SGCZ: variants seen among roughly 807,000 people sequenced by gnomAD.
The protein encoded by SGCZ is sarcoglycan zeta.
SGCZ carries 40 observed loss-of-function variants against 41.3 expected under a neutral mutation model. That is an observed-to-expected ratio of 0.97 (90% CI 0.75 to 1.26). SGCZ has a LOEUF of 1.26. SGCZ is among the 50% of genes most tolerant of loss of function. The pLI, the probability that SGCZ is intolerant of heterozygous loss-of-function variation, is 0.00. For synonymous variants in SGCZ, 206 were observed against 137.5 expected, an observed-to-expected ratio of 1.50 and a Z score of -3.49; for missense variants, 552 against 369.8, an observed-to-expected ratio of 1.49 and a Z score of -4.04.
chr8:14,965,486 G>C (rs1318245238), intron 1 of SGCZ, among the ~76,000 whole-genome samples: 1 of 152,192 alleles, frequency 6.6e-6, no homozygotes, highest in African/African-American at 2.4e-5. Flanking sequence ...TTAAAATGTA[G>C]AATTTTAGGC....
At chr8:14,408,591 T>C (rs1799273451) in intron 2 of SGCZ, among the ~76,000 whole-genome samples, 1 of 152,176 alleles carries the variant, frequency 6.6e-6, no homozygotes, top group African/African-American at 2.4e-5. Context: ...TGTTTCTATA[T>C]AAATCAGTTT....
chr8:14,555,054 A>G (rs1157224322), intron 1 of SGCZ, 128 bp from the exon 2 acceptor site: 3 of 769,566 alleles, frequency 3.9e-6, no homozygotes, highest in Non-Finnish European at 6.1e-6. Flanking sequence ...GCATTCAAAT[A>G]ACTATTGTTG....
chr8:14,133,004 C>G (rs1803088418), intron 5 of SGCZ, among the ~76,000 whole-genome samples: 2 of 151,894 alleles, frequency 1.3e-5, no homozygotes, highest in Admixed American at 1.3e-4. Context: ...GGAGCTGTAA[C>G]AATAAAAAAA....
At chr8:14,969,212 C>G (rs1801216069) in intron 1 of SGCZ, among the ~76,000 whole-genome samples, 1 of 152,020 alleles carries the variant, frequency 6.6e-6, no homozygotes, top group Admixed American at 6.6e-5. Flanking sequence ...TTTTCATCTT[C>G]TTAGTTATTA....
intron 3 of SGCZ, among the ~76,000 whole-genome samples, chr8:14,275,129 G>C (rs746200432): frequency 6.6e-6 from 1 of 152,098 alleles, no homozygotes; most frequent in African/African-American, 2.4e-5. Flanking sequence ...AGTTATGCTG[G>C]TCAGAGCCGA....
At chr8:14,868,035 C>G (rs1480220982) in intron 1 of SGCZ, among the ~76,000 whole-genome samples, 18 of 152,070 alleles carry the variant, frequency 1.2e-4, no homozygotes, top group Admixed American at 1.2e-3. Context: ...AGAATTAGCT[C>G]TATGTTTCAG....
chr8:14,476,564 C>A (rs952577084), intron 2 of SGCZ, among the ~76,000 whole-genome samples: 1 of 152,054 alleles, frequency 6.6e-6, no homozygotes, highest in Non-Finnish European at 1.5e-5. Context: ...CTCTCTAACT[C>A]TTGAGAGGAC....
chr8:14,719,095 T>C (rs1171747831), intron 1 of SGCZ, among the ~76,000 whole-genome samples: 1 of 146,818 alleles, frequency 6.8e-6, no homozygotes, highest in African/African-American at 2.5e-5. Context: ...TGAGTGAGAA[T>C]ATGCGGTGTT....
At chr8:14,271,787 A>T (rs747197987) in intron 3 of SGCZ, among the ~76,000 whole-genome samples, 4 of 152,174 alleles carry the variant, frequency 2.6e-5, no homozygotes, top group Non-Finnish European at 5.9e-5. Flanking sequence ...CCTGATTCAT[A>T]TCTACTGTAA....
chr8:14,477,061 T>A (rs1801382597), intron 2 of SGCZ, among the ~76,000 whole-genome samples: 1 of 152,218 alleles, frequency 6.6e-6, no homozygotes. Flanking sequence ...AATTTTTGAT[T>A]TAATTAAACC....
chr8:15,120,793 C>T (rs541009463), intron 1 of SGCZ, among the ~76,000 whole-genome samples: 1 of 152,234 alleles, frequency 6.6e-6, no homozygotes, highest in South Asian at 2.1e-4. Context: ...TTTCCCAAAT[C>T]TCTCAAACTT....
chr8:14,219,055 A>G (rs905911228), intron 4 of SGCZ, among the ~76,000 whole-genome samples: 3 of 152,212 alleles, frequency 2.0e-5, no homozygotes, highest in African/African-American at 7.2e-5. Context: ...GTGCTCAGCA[A>G]AAATTAAAAA....
intron 1 of SGCZ, among the ~76,000 whole-genome samples, chr8:14,995,098 G>A (rs1437648896): frequency 6.6e-6 from 1 of 152,254 alleles, no homozygotes; most frequent in African/African-American, 2.4e-5. Flanking sequence ...TAGGAGAAAT[G>A]CTTGCAGAAG....
intron 1 of SGCZ, among the ~76,000 whole-genome samples, chr8:14,581,699 T>C (rs1373269372): frequency 1.3e-5 from 2 of 152,144 alleles, no homozygotes; most frequent in East Asian, 1.9e-4. Flanking sequence ...GCAAAGCACT[T>C]ACTGCAACTC....
At chr8:14,915,077 T>G (rs988284358) in intron 1 of SGCZ, among the ~76,000 whole-genome samples, 1 of 152,158 alleles carries the variant, frequency 6.6e-6, no homozygotes, top group Non-Finnish European at 1.5e-5. Context: ...CTTTCATAAC[T>G]CTCATACTGC....
At chr8:14,606,825 T>C (rs1035990342) in intron 1 of SGCZ, among the ~76,000 whole-genome samples, 2 of 152,184 alleles carry the variant, frequency 1.3e-5, no homozygotes, top group Non-Finnish European at 2.9e-5. Context: ...TATTGCTATC[T>C]TTAGTGATAA....
At chr8:15,064,767 C>A (rs190344120) in intron 1 of SGCZ, among the ~76,000 whole-genome samples, 161 of 152,280 alleles carry the variant, frequency 1.1e-3, no homozygotes, top group Non-Finnish European at 1.6e-3. Flanking sequence ...AGATTTGAAA[C>A]TGAGCTCCCA....
At chr8:15,031,631 C>T (rs935932865) in intron 1 of SGCZ, among the ~76,000 whole-genome samples, 7 of 152,162 alleles carry the variant, frequency 4.6e-5, no homozygotes, top group African/African-American at 1.4e-4. Flanking sequence ...CCCACACTGG[C>T]AGTCAACTCC....
chr8:14,339,096 T>C (rs974448396), intron 2 of SGCZ, among the ~76,000 whole-genome samples: 4 of 143,768 alleles, frequency 2.8e-5, no homozygotes, highest in Non-Finnish European at 4.8e-5. Context: ...TAACATATTA[T>C]GTTTTTTTTT....
Sources: allele counts gnomAD v4.1 joint callset (sites outside exome capture counted in the v4.1 genomes callset), GRCh38; gene constraint gnomAD v4.1.1; transcripts MANE v1.5; gene names NCBI Gene and HGNC (gene_info 2026-07-23, HGNC 2026-07-21).